ZNF462: variants seen among roughly 807,000 people sequenced by gnomAD.
ZNF462 encodes zinc finger protein 462, also known as zinc finger PBX1-interacting protein.
Under a neutral mutation model 201.9 loss-of-function variants are expected in ZNF462, and 10 were observed. That is an observed-to-expected ratio of 0.05 (90% CI 0.03 to 0.08). The LOEUF (loss-of-function observed/expected upper bound fraction) is 0.08, where lower values mean the gene tolerates loss of function less well. ZNF462 is among the 10% of genes least tolerant of loss of function. The pLI is 1.00. For missense variants in ZNF462, 2,523 were observed against 3,168.3 expected (o/e 0.80, Z 4.89); for synonymous variants, 1,227 against 1,193.3 (o/e 1.03, Z -0.58).
intron 7 of ZNF462, among the ~76,000 whole-genome samples, chr9:106,949,719 A>G (rs971918402): frequency 6.6e-6 from 1 of 151,990 alleles, no homozygotes; most frequent in African/African-American, 2.4e-5. Flanking sequence ...CTTTTGGAGT[A>G]TTCTTTTGTC....
chr9:106,983,356 T>TG (rs1827588858), intron 9 of ZNF462, among the ~76,000 whole-genome samples: 1 of 152,186 alleles, frequency 6.6e-6, no homozygotes, highest in South Asian at 2.1e-4. Flanking sequence ...CCCTGTCTCC[T>TG]GCGCAACCCC....
chr9:106,921,287 A>T (rs1447636317), intron 1 of ZNF462, among the ~76,000 whole-genome samples: 1 of 152,242 alleles, frequency 6.6e-6, no homozygotes, highest in Non-Finnish European at 1.5e-5. Context: ...ATGGAATAAA[A>T]GAACCTTTGG....
rs542268986 is a variant in ZNF462 at position 106,997,268 on chromosome 9, G to C, written c.7057-6026G>C. ...AGCCATTAGAGAAAACAGCACGAAA[G>C]CTCCTCAGAAAATTAAAGATAGAAC... is the stretch of plus-strand genomic sequence containing the variant. On this transcript the variant is annotated intron_variant, in intron 10 of 12. Transcript: ENST00000277225. Among the ~76,000 whole-genome samples, 6 of 152,202 alleles carry C rather than the reference G, an allele frequency of 3.9e-5. No individual in the cohort carries two copies. The East Asian group carries it at 9.7e-4, about 25-fold the overall frequency.
In ZNF462 at chr9:106,993,132, G is replaced by A. The variant is rs577243147; in HGVS notation, c.7056+8723G>A. ...GAATAAACTATAAGACACGTAGAATGTATTTTCAGTTAAAGGATTTCATTA... is the reference window on the plus strand; with the variant it reads ...GAATAAACTATAAGACACGTAGAATATATTTTCAGTTAAAGGATTTCATTA... On this transcript the variant is annotated intron_variant, in intron 10 of 12. Coordinates refer to ENST00000277225, the MANE Select transcript of ZNF462 (RefSeq NM_021224.6). The surrounding 1 kb of genome is among the most constrained non-coding windows in gnomAD (Gnocchi z 4.0). Among the ~76,000 whole-genome samples, 9 of 152,094 alleles carry A rather than the reference G, an allele frequency of 5.9e-5. No homozygotes were observed. Among genetic ancestry groups the A allele is most frequent in the Non-Finnish European group, 1.3e-4 (9 of 67,998 alleles).
chr9:106,896,826 A>G (rs1828832794), intron 1 of ZNF462, among the ~76,000 whole-genome samples: 1 of 152,206 alleles, frequency 6.6e-6, no homozygotes, highest in Non-Finnish European at 1.5e-5. Context: ...CCACTTGCTA[A>G]TAGGCAGTTA....
chr9:106,929,196 C>G lies in ZNF462; in HGVS notation c.5284C>G (p.Arg1762Gly). ...CCCTCAGCTGAGCGAGGAACTCCGGCGGGCAGTGGAGAAGAAAAAGTGCTC... is the reference window on the plus strand; with the variant it reads ...CCCTCAGCTGAGCGAGGAACTCCGGGGGGCAGTGGAGAAGAAAAAGTGCTC... ...DSPQLSEELR[R>G]AVEKKKCSLC... Residue 1762 changes from arginine to glycine, a missense_variant, in exon 3 of 13, where the codon CGG becomes GGG. By Grantham distance (125) the Arg-to-Gly change is moderately radical. Coordinates refer to ENST00000277225, the MANE Select transcript of ZNF462 (RefSeq NM_021224.6). This position sits in a 1 kb window ranked among gnomAD's most constrained non-coding sequence, Gnocchi z 8.7. 1 of 1,614,122 alleles carries G rather than the reference C, an allele frequency of 6.2e-7. No homozygotes were observed. The highest frequency in any genetic ancestry group is 1.1e-5 in the South Asian group (1 of 91,070).
Position 106,886,530 on chromosome 9 carries a change from G to A in ZNF462, c.-31+23175G>A, listed in dbSNP as rs1241093256. On this transcript the variant is annotated intron_variant, in intron 1 of 12. Transcript: ENST00000277225. The surrounding 1 kb of genome is among the most constrained non-coding windows in gnomAD (Gnocchi z 4.6). The stretch of plus-strand genomic sequence containing the variant: ...TCCACATCCTCAAATATACAACAAT[G>A]TCAGCTACAAAAAAAATAGAAGAGA... Among the ~76,000 whole-genome samples the A allele has an allele frequency of 1.3e-5, 2 of 152,046 alleles. No individual in the cohort carries two copies. The highest frequency in any genetic ancestry group is 2.9e-5 in the Non-Finnish European group (2 of 68,020).
chr9:106,909,322 A>G (rs73668711), intron 1 of ZNF462, among the ~76,000 whole-genome samples: 11,540 of 151,874 alleles, frequency 0.076, 890 homozygotes, highest in African/African-American at 0.2. Context: ...CCAATTCTAC[A>G]TACTTTTATA....
At chr9:106,869,445 G>A (rs545657696) in intron 1 of ZNF462, among the ~76,000 whole-genome samples, 2 of 152,306 alleles carry the variant, frequency 1.3e-5, no homozygotes, top group Admixed American at 1.3e-4. Flanking sequence ...AGGGTGCAAT[G>A]GGTTTCCACT....
At chr9:106,907,922 T>C (rs529527500) in intron 1 of ZNF462, among the ~76,000 whole-genome samples, 1 of 152,200 alleles carries the variant, frequency 6.6e-6, no homozygotes, top group South Asian at 2.1e-4. Flanking sequence ...TTAAAAGTCA[T>C]ACTCTACTGG....
At position 106,932,935 on chromosome 9, in the gene ZNF462, G is replaced by T; in HGVS notation, c.6116+386G>T. ...TGAGTTGCTAAAGAGGTAAAATTAG[G>T]ACTATTAACCCATGTGACCAAAGAA... On this transcript the variant is annotated intron_variant, in intron 5 of 12. Transcript: ENST00000277225. The surrounding 1 kb of genome is among the most constrained non-coding windows in gnomAD (Gnocchi z 6.8). The T allele has an allele frequency of 3.2e-6, 1 of 312,486 alleles. No individual in the cohort carries two copies. The allele number at this position is 312,486 out of a possible 1,614,324, so 19.4% of individuals were successfully genotyped here.
rs748005493 is a variant in ZNF462 at position 107,003,321 on chromosome 9, C to T, written c.7084C>T (p.Arg2362Trp). The T allele has an allele frequency of 3.6e-5, 58 of 1,613,502 alleles. No homozygotes were observed. The Middle Eastern group carries it at 6.6e-4, about 18-fold the overall frequency. The change falls in exon 11 of 13, where the codon CGG becomes TGG. Residue 2362 changes from arginine (R) to tryptophan (W), a missense_variant. Arg to Trp is a moderately radical substitution (Grantham distance 101). This residue lies in a region of ZNF462 where 228 missense variants were observed against 361.2 expected (regional missense o/e 0.63). Transcript: ENST00000277225. The surrounding 1 kb of genome is among the most constrained non-coding windows in gnomAD (Gnocchi z 4.4). ...AAGCCGTAACTTTGAGCTGGTTGGA[C>T]GGGTTAACTTGGATCAGCTGGAACA... The part of the protein sequence containing the change: ...KVSRNFELVG[R>W]VNLDQLEQMK...
At chr9:106,969,477 TC>T (rs1826474409) in intron 7 of ZNF462, among the ~76,000 whole-genome samples, 2 of 152,248 alleles carry the variant, frequency 1.3e-5, no homozygotes, top group South Asian at 4.2e-4. Flanking sequence ...GAGATTGGGG[TC>T]CTTGGAGGGG....
Position 106,926,340 on chromosome 9 carries a change from C to G in ZNF462, c.2428C>G (p.His810Asp), listed in dbSNP as rs564684817. The change falls in exon 3 of 13, where the codon CAC becomes GAC. Residue 810 changes from histidine to aspartate, a missense_variant. Physicochemically the swap from His to Asp is moderately conservative, Grantham distance 81. Coordinates refer to ENST00000277225, the MANE Select transcript of ZNF462 (RefSeq NM_021224.6). This position sits in a 1 kb window ranked among gnomAD's most constrained non-coding sequence, Gnocchi z 7.9. Reference sequence around the variant, plus strand: ...TGGCTCCTCAACAAACTTGAAAGATCACCAAGTTTCCAATACTGCTCTGCT... The same window carrying G: ...TGGCTCCTCAACAAACTTGAAAGATGACCAAGTTTCCAATACTGCTCTGCT... Reference protein sequence around the residue: ...YYGSSTNLKDHQVSNTALLNT... With the variant: ...YYGSSTNLKDDQVSNTALLNT... 1.1e-4 allele frequency: 176 copies of G among 1,614,134 alleles called. 1 individual carries two copies. The South Asian group carries it at 1.8e-3, about 17-fold the overall frequency.
intron 10 of ZNF462, among the ~76,000 whole-genome samples, chr9:106,996,640 T>C (rs1470381788): frequency 6.6e-6 from 1 of 152,202 alleles, no homozygotes. Context: ...TCATATCCTT[T>C]GCCCACTTTT....
intron 9 of ZNF462, chr9:106,975,166 T>A (rs187634343): frequency 6.6e-6 from 1 of 152,220 alleles, no homozygotes; most frequent in South Asian, 2.1e-4. Flanking sequence ...CCAGTCTTGA[T>A]TGGTGTTTCT....
rs546616921 is a variant in ZNF462, at chr9:106,902,999, G to C, written c.-30-20355G>C. On this transcript the variant is annotated intron_variant, in intron 1 of 12. Transcript: ENST00000277225. This position sits in a 1 kb window ranked among gnomAD's most constrained non-coding sequence, Gnocchi z 4.2. ...GGGTTTGGTTTATTCTTATTTATCT[G>C]TTTCCTTGAGGTGTGACCTTAGATT... 1.3e-5 allele frequency among the ~76,000 whole-genome samples: 2 copies of C among 151,946 alleles called. No homozygotes were observed. The highest frequency in any genetic ancestry group is 2.1e-4 in the South Asian group (1 of 4,814).
chr9:106,896,418 A>G (rs10759206), intron 1 of ZNF462, among the ~76,000 whole-genome samples: 69,080 of 151,990 alleles, frequency 0.45, 18,173 homozygotes, highest in African/African-American at 0.74. Flanking sequence ...AGTGGACCTT[A>G]GCAATGACAG....
chr9:106,981,369 C>G lies in ZNF462; in HGVS notation c.6833-2817C>G, dbSNP rs910787346. 6.6e-6 allele frequency among the ~76,000 whole-genome samples: 1 copy of G among 152,068 alleles called. No homozygotes were observed. Among genetic ancestry groups the G allele is most frequent in the Non-Finnish European group, 1.5e-5 (1 of 68,016 alleles). ...AGACTGGAGAGTTCTTATCAGGGGTCCAAGAGGAGGGCCCTGGCAGAGATC... is the reference window on the plus strand; with the variant it reads ...AGACTGGAGAGTTCTTATCAGGGGTGCAAGAGGAGGGCCCTGGCAGAGATC... On this transcript the variant is annotated intron_variant, in intron 9 of 12. Coordinates refer to ENST00000277225, the MANE Select transcript of ZNF462 (RefSeq NM_021224.6). This position sits in a 1 kb window ranked among gnomAD's most constrained non-coding sequence, Gnocchi z 4.0.
Sources: allele counts gnomAD v4.1 joint callset (sites outside exome capture counted in the v4.1 genomes callset), GRCh38; gene constraint gnomAD v4.1.1; regional missense constraint gnomAD v4.1.1; non-coding constraint Gnocchi (gnomAD v3.1); transcripts MANE v1.5; gene names NCBI Gene and HGNC (gene_info 2026-07-23, HGNC 2026-07-21).